PPP1R7: variants seen among roughly 807,000 people sequenced by gnomAD.
PPP1R7 encodes the protein protein phosphatase 1 regulatory subunit 22.
PPP1R7 carries 18 observed loss-of-function variants against 45.2 expected under a neutral mutation model. That is an observed-to-expected ratio of 0.40 (90% CI 0.28 to 0.59). The LOEUF (loss-of-function observed/expected upper bound fraction) is 0.59, where lower values mean the gene tolerates loss of function less well. Ranked by LOEUF, PPP1R7 falls within the 20% of genes least tolerant of loss-of-function variation. The probability of loss-of-function intolerance (pLI) is 0.46; values close to 1 mark genes in which losing one functional copy is unlikely to be tolerated. For missense variants in PPP1R7, 314 were observed against 455.8 expected (o/e 0.69, Z 2.83); for synonymous variants, 181 against 183.4 (o/e 0.99, Z 0.11).
At chr2:241,153,351 C>T (rs1052119083) in intron 1 of PPP1R7, 125 bp from the exon 2 acceptor site, 5 of 1,288,984 alleles carry the variant, frequency 3.9e-6, no homozygotes, top group East Asian at 2.4e-5. Context: ...CTCAGATGTT[C>T]GTTGAACTGG....
chr2:241,157,848 G>A lies in PPP1R7; in HGVS notation c.223G>A (p.Asp75Asn), dbSNP rs1365717534. The A allele has an allele frequency of 6.2e-7, 1 of 1,613,978 alleles. No individual in the cohort carries two copies. ...TGTGGACATGGAAACCATCAACCTG[G>A]ACAGAGATGCAGAGGTAATGCCGCC... ...LPVDMETINL[D>N]RDAEDVDLNH... is the part of the protein sequence containing the mutation. The change falls in exon 3 of 10, where the codon GAC becomes AAC. Residue 75 changes from aspartate (D) to asparagine (N), a missense_variant. Asp to Asn is a conservative substitution (Grantham distance 23). Coordinates refer to ENST00000234038, the MANE Select transcript of PPP1R7 (RefSeq NM_002712.3).
At chr2:241,170,109 A>G (rs1288289963) in intron 9 of PPP1R7, among the ~76,000 whole-genome samples, 6 of 152,212 alleles carry the variant, frequency 3.9e-5, no homozygotes, top group Admixed American at 2.6e-4. Flanking sequence ...CTTGGGCCCC[A>G]CCATAGCCCA....
chr2:241,155,462 C>T (rs185756448), intron 2 of PPP1R7, among the ~76,000 whole-genome samples: 1 of 152,280 alleles, frequency 6.6e-6, no homozygotes, highest in Non-Finnish European at 1.5e-5. Flanking sequence ...AGACTTGCTC[C>T]TACCTGTATT....
intron 1 of PPP1R7, among the ~76,000 whole-genome samples, chr2:241,152,257 A>C (rs2067340864): frequency 6.6e-6 from 1 of 152,238 alleles, no homozygotes; most frequent in Admixed American, 6.5e-5. Context: ...TGAGGCTTTC[A>C]AATGGAAACG....
chr2:241,183,329 A>T lies in PPP1R7; in HGVS notation c.*506A>T, dbSNP rs79354292. 5.9e-4 allele frequency: 257 copies of T among 435,030 alleles called. 1 individual carries two copies. The highest frequency in any genetic ancestry group is 3.0e-3 in the African/African-American group (142 of 48,020). 26.9% of individuals were successfully genotyped at this position (435,030 alleles called of 1,614,324 possible). A position where few individuals can be genotyped will look rare whatever the true frequency, so the allele number is the denominator to read the frequency against. On this transcript the variant is annotated 3_prime_UTR_variant, in exon 10 of 10. Coordinates refer to ENST00000234038, the MANE Select transcript of PPP1R7 (RefSeq NM_002712.3). ...CAATTTTTTAAAAATTAGGTAAGTT[A>T]AAAAAGCTGGGTAAAAGCTGACTCA...
upstream of PPP1R7, chr2:241,149,945 G>A: frequency 7.0e-6 from 10 of 1,427,742 alleles, no homozygotes; most frequent in Non-Finnish European, 9.1e-6. Flanking sequence ...TCAAGAGAAG[G>A]CGGCATTTCG....
intron 9 of PPP1R7, among the ~76,000 whole-genome samples, chr2:241,173,788 T>G (rs1171949475): frequency 3.3e-5 from 5 of 152,262 alleles, no homozygotes; most frequent in African/African-American, 1.2e-4. Context: ...TTTGTATAAT[T>G]TCTGTTGTTA....
Position 241,178,787 on chromosome 2 carries a change from C to T in PPP1R7, c.907-3860C>T, listed in dbSNP as rs534327642. On this transcript the variant is annotated intron_variant, in intron 9 of 9. Transcript: ENST00000234038. ...CCCCACGGACAGCTCTCGATGTGGC[C>T]GTGCCTGTGTCTGGCAGCCTCACCA... Among the ~76,000 whole-genome samples the T allele has an allele frequency of 9.7e-5, 14 of 144,052 alleles. No individual in the cohort carries two copies. The South Asian group carries it at 2.8e-3, about 29-fold the overall frequency. 94.5% of individuals were successfully genotyped at this position (144,052 alleles called of 152,430 possible). A position where few individuals can be genotyped will look rare whatever the true frequency, so the allele number is the denominator to read the frequency against.
chr2:241,167,817 C>A (rs1311152287), intron 8 of PPP1R7, among the ~76,000 whole-genome samples: 2 of 152,130 alleles, frequency 1.3e-5, no homozygotes, highest in Admixed American at 1.3e-4. Context: ...TCAAATGTGA[C>A]AGTCTTTCTT....
Position 241,160,458 on chromosome 2 carries a change from A to G in PPP1R7, c.561A>G (p.Gln187=). Residue 187 remains glutamine (Q), a synonymous_variant, in exon 6 of 10, where the codon CAA becomes CAG. Coordinates refer to ENST00000234038, the MANE Select transcript of PPP1R7 (RefSeq NM_002712.3). ...TTGAGAACTTAAGCAACTTACATCA[A>G]CTACAGATGCTAGAGCTGGGATCTA... ...SKIENLSNLH[Q]LQMLELGSNR... 6.2e-7 allele frequency: 1 copy of G among 1,611,338 alleles called. No individual in the cohort carries two copies. Among genetic ancestry groups the G allele is most frequent in the South Asian group, 1.1e-5 (1 of 90,308 alleles).
intron 9 of PPP1R7, among the ~76,000 whole-genome samples, chr2:241,178,047 G>A (rs766073833): frequency 6.6e-6 from 1 of 152,230 alleles, no homozygotes; most frequent in Non-Finnish European, 1.5e-5. Context: ...CTTTCCTGTA[G>A]GCAGCGCCCT....
intron 9 of PPP1R7, among the ~76,000 whole-genome samples, chr2:241,180,732 C>T (rs187500368): frequency 2.9e-3 from 399 of 138,140 alleles, no homozygotes; most frequent in Non-Finnish European, 4.1e-3. Context: ...GGTACGCTCA[C>T]GTCCCGTCCA....
chr2:241,157,744 G>A, intron 2 of PPP1R7, 63 bp from the exon 3 acceptor site: 2 of 1,508,970 alleles, frequency 1.3e-6, no homozygotes, highest in Non-Finnish European at 1.8e-6. Flanking sequence ...GCCAGAAGCA[G>A]CTCTTCACCA....
intron 9 of PPP1R7, 48 bp downstream of exon 9, chr2:241,169,915 C>T (rs376747668): frequency 1.5e-4 from 212 of 1,400,226 alleles, no homozygotes; most frequent in Non-Finnish European, 2.1e-4. Context: ...CTAAACTGGT[C>T]TCACTGATTA....
intron 8 of PPP1R7, chr2:241,167,129 C>T (rs1041779467): frequency 3.3e-6 from 5 of 1,515,364 alleles, no homozygotes; most frequent in South Asian, 2.3e-5. Context: ...CCCTGCTCTG[C>T]CCCAGTGCGG....
chr2:241,168,424 T>A (rs370301986), intron 8 of PPP1R7, among the ~76,000 whole-genome samples: 12 of 152,166 alleles, frequency 7.9e-5, no homozygotes, highest in South Asian at 2.1e-4. Context: ...CTCAGAATGG[T>A]GCAGAGTGCG....
Position 241,169,867 on chromosome 2 carries a change from G to A in PPP1R7, c.906G>A (p.Trp302Ter). 1 of 1,606,390 alleles carries A rather than the reference G, an allele frequency of 6.2e-7. No homozygotes were observed. The highest frequency in any genetic ancestry group is 8.5e-7 in the Non-Finnish European group (1 of 1,173,032). Residue 302 changes from tryptophan to a stop codon, truncating the protein, a stop_gained and splice_region_variant, in exon 9 of 10, where the codon TGG (tryptophan) becomes TGA (stop). Transcript: ENST00000234038. LOFTEE classifies it high-confidence loss of function. ...ISHLTELQEF[W>*]MNDNLLESWS... ...ATCTAACAGAGCTGCAAGAGTTCTG[G>A]GTAAGTTTAATACACGCTGGGGTTG...
At chr2:241,151,353 G>A (rs1347257972) in intron 1 of PPP1R7, 3 of 446,694 alleles carry the variant, frequency 6.7e-6, no homozygotes, top group African/African-American at 2.0e-5. Context: ...TGTGAAAGGG[G>A]TAGGGAAGAG....
At chr2:241,157,706 T>C in intron 2 of PPP1R7, 101 bp from the exon 3 acceptor site, 1 of 1,172,916 alleles carries the variant, frequency 8.5e-7, no homozygotes, top group Non-Finnish European at 1.2e-6. Flanking sequence ...TTGAGCTGGC[T>C]CTGGGCACCA....
Sources: allele counts gnomAD v4.1 joint callset (sites outside exome capture counted in the v4.1 genomes callset), GRCh38; gene constraint gnomAD v4.1.1; transcripts MANE v1.5; gene names NCBI Gene and HGNC (gene_info 2026-07-23, HGNC 2026-07-21).